The following APBA1 variants were observed in gnomAD, a reference collection of about 807,000 sequenced individuals.
APBA1 encodes amyloid-beta A4 precursor protein-binding family A member 1.
In APBA1, 55 loss-of-function variants were observed where a neutral mutation model predicts 86.6. That is an observed-to-expected ratio of 0.64 (90% confidence interval 0.51 to 0.80). The LOEUF is 0.80. Among genes scored for constraint, APBA1 ranks in the 30% least tolerant of loss-of-function variants. APBA1 has a pLI of 0.00. For synonymous variants in APBA1, 511 were observed against 493.9 expected (o/e 1.03, Z -0.46); for missense variants, 1,090 against 1,183.0 (o/e 0.92, Z 1.15).
intron 1 of APBA1, among the ~76,000 whole-genome samples, chr9:69,567,609 C>G (rs558524844): frequency 2.0e-5 from 3 of 151,872 alleles, no homozygotes; most frequent in African/African-American, 7.2e-5. Context: ...TGTGTGATGT[C>G]CCCCTTCCTG....
At chr9:69,534,172 T>C (rs1235537212) in intron 1 of APBA1, among the ~76,000 whole-genome samples, 3 of 152,202 alleles carry the variant, frequency 2.0e-5, no homozygotes, top group African/African-American at 2.4e-5. Flanking sequence ...AGCATACACA[T>C]GCCCTTTCTG....
At chr9:69,643,076 T>C (rs1180399569) in intron 1 of APBA1, among the ~76,000 whole-genome samples, 1 of 151,532 alleles carries the variant, frequency 6.6e-6, no homozygotes, top group Non-Finnish European at 1.5e-5. Flanking sequence ...AGCCTGTTGG[T>C]TCTGTTTCTC....
At chr9:69,484,766 GTAAACAGTAGGCACTCAA>G (rs1835579340) in intron 2 of APBA1, among the ~76,000 whole-genome samples, 1 of 151,976 alleles carries the variant, frequency 6.6e-6, no homozygotes, top group African/African-American at 2.4e-5. Context: ...CTTGGGTCTT[GTAAACAGTAGGCACTCAA>G]TAAATGTTTA....
At chr9:69,595,899 G>A (rs958257823) in intron 1 of APBA1, among the ~76,000 whole-genome samples, 1 of 152,146 alleles carries the variant, frequency 6.6e-6, no homozygotes, top group Non-Finnish European at 1.5e-5. Flanking sequence ...TGCTTCAGAG[G>A]GGAGGGAAGG....
intron 1 of APBA1, among the ~76,000 whole-genome samples, chr9:69,533,948 C>G (rs1836469508): frequency 6.6e-6 from 1 of 152,098 alleles, no homozygotes; most frequent in African/African-American, 2.4e-5. Flanking sequence ...TTCCACTGTC[C>G]CACCATAATC....
intron 1 of APBA1, among the ~76,000 whole-genome samples, chr9:69,588,192 T>C (rs949548960): frequency 3.3e-5 from 5 of 152,084 alleles, no homozygotes; most frequent in Non-Finnish European, 7.4e-5. Context: ...AGAAAGAACG[T>C]TCCCATTAGA....
At chr9:69,463,533 G>GT (rs1399288179) in intron 5 of APBA1, 2 of 152,160 alleles carry the variant, frequency 1.3e-5, no homozygotes, top group Admixed American at 1.3e-4. Flanking sequence ...TACTACATGA[G>GT]TGGCGGACAC....
intron 2 of APBA1, among the ~76,000 whole-genome samples, chr9:69,502,965 C>T (rs993438536): frequency 2.0e-5 from 3 of 152,108 alleles, no homozygotes; most frequent in Non-Finnish European, 2.9e-5. Context: ...AGTACAGCCC[C>T]GGCCTTGACC....
intron 1 of APBA1, among the ~76,000 whole-genome samples, chr9:69,619,588 T>C (rs920665347): frequency 6.6e-6 from 1 of 152,150 alleles, no homozygotes; most frequent in African/African-American, 2.4e-5. Flanking sequence ...ATTATTACCA[T>C]TGTCTCAAAG....
At chr9:69,499,931 T>C (rs1249001974) in intron 2 of APBA1, among the ~76,000 whole-genome samples, 1 of 152,146 alleles carries the variant, frequency 6.6e-6, no homozygotes, top group Non-Finnish European at 1.5e-5. Flanking sequence ...GCATTAGTGC[T>C]GAAATGGTTT....
intron 1 of APBA1, among the ~76,000 whole-genome samples, chr9:69,658,867 G>A (rs1245043972): frequency 1.3e-5 from 2 of 152,114 alleles, no homozygotes; most frequent in African/African-American, 2.4e-5. Context: ...AGACTGACAG[G>A]TATGGAGTAT....
At chr9:69,638,068 T>C (rs1158725379) in intron 1 of APBA1, among the ~76,000 whole-genome samples, 1 of 152,244 alleles carries the variant, frequency 6.6e-6, no homozygotes, top group Non-Finnish European at 1.5e-5. Flanking sequence ...GAATATGGTG[T>C]TGTTTCTTTC....
chr9:69,595,751 C>A lies in APBA1; in HGVS notation c.-70+76402G>T, dbSNP rs183970910. On this transcript the variant is annotated intron_variant, in intron 1 of 12. Coordinates refer to ENST00000265381, the MANE Select transcript of APBA1 (RefSeq NM_001163.4). ...AGTAGCAGGATGTCTAAGGAAACAC[C>A]CTGAGGGAACTCAACAATTATCCTA... Among the ~76,000 whole-genome samples the A allele has an allele frequency of 1.3e-3, 196 of 152,196 alleles. 3 individuals are homozygous for A. Among genetic ancestry groups the A allele is most frequent in the Non-Finnish European group, 1.5e-3 (104 of 68,000 alleles).
At chr9:69,551,279 C>T (rs918759982) in intron 1 of APBA1, among the ~76,000 whole-genome samples, 1 of 152,080 alleles carries the variant, frequency 6.6e-6, no homozygotes, top group Non-Finnish European at 1.5e-5. Flanking sequence ...TCTGGCTGGG[C>T]GCGGTGGCTC....
intron 1 of APBA1, among the ~76,000 whole-genome samples, chr9:69,590,900 C>T (rs1416421355): frequency 2.6e-5 from 4 of 152,186 alleles, no homozygotes; most frequent in African/African-American, 9.6e-5. Context: ...CCAAACTCAA[C>T]TTGAAAACCA....
chr9:69,548,837 C>T (rs527582408), intron 1 of APBA1, among the ~76,000 whole-genome samples: 134 of 152,346 alleles, frequency 8.8e-4, no homozygotes, highest in African/African-American at 2.4e-3. Context: ...CCCCTTTGTT[C>T]TTCTCTTTGA....
chr9:69,523,497 G>GTATATATA (rs869242999), intron 1 of APBA1, among the ~76,000 whole-genome samples: 79 of 30,846 alleles, frequency 2.6e-3, no homozygotes, highest in African/African-American at 4.8e-3. Context: ...ATATATATAT[G>GTATATATA]TATATATATA....
intron 4 of APBA1, among the ~76,000 whole-genome samples, chr9:69,470,231 A>G (rs890937826): frequency 6.6e-6 from 1 of 152,212 alleles, no homozygotes; most frequent in Non-Finnish European, 1.5e-5. Context: ...TCATAAGTTC[A>G]CTTTGAGCTC....
At position 69,574,762 on chromosome 9, in the gene APBA1, A is replaced by C. The variant is rs142128105; in HGVS notation, c.-69-57483T>G. ...AAACAAGCAAAAATACTGCTTCGTG[A>C]TAAATAATAAGCCAAAAAGACTATT... On this transcript the variant is annotated intron_variant, in intron 1 of 12. Transcript: ENST00000265381. Among the ~76,000 whole-genome samples the C allele has an allele frequency of 9.5e-4, 144 of 152,320 alleles. 2 individuals are homozygous for C. Among genetic ancestry groups the C allele is most frequent in the Non-Finnish European group, 3.4e-4 (23 of 68,034 alleles).
Sources: gnomAD v4.1 joint callset for allele counts (sites outside exome capture counted in the v4.1 genomes callset) on GRCh38, gnomAD v4.1.1 for gene constraint, MANE v1.5 for transcripts, NCBI Gene and HGNC (gene_info 2026-07-23, HGNC 2026-07-21) for gene names.